The following DIP2C variants were observed in gnomAD, a reference collection of about 807,000 sequenced individuals.
The protein encoded by DIP2C is DIP2 acetate--CoA ligase C (putative), also known as disco-interacting protein 2 homolog C.
DIP2C carries 33 observed loss-of-function variants against 192.4 expected under a neutral mutation model. The ratio of observed to expected loss-of-function variants is 0.17; its 90% confidence interval spans 0.13 to 0.23. The LOEUF (loss-of-function observed/expected upper bound fraction) is 0.23. Among genes scored for constraint, DIP2C ranks in the 10% least tolerant of loss-of-function variants. The pLI is 1.00. For synonymous variants in DIP2C, 979 were observed against 864.1 expected, an observed-to-expected ratio of 1.13 and a Z score of -2.33; for missense variants, 1,537 against 2,110.1, an observed-to-expected ratio of 0.73 and a Z score of 5.32.
intron 1 of DIP2C, among the ~76,000 whole-genome samples, chr10:550,715 C>T (rs796560546): frequency 5.3e-5 from 8 of 152,298 alleles, no homozygotes; most frequent in African/African-American, 1.9e-4. Flanking sequence ...TCCCTAGCCC[C>T]TCTCCCCCTA....
At chr10:424,286 A>AT (rs34281389) in intron 4 of DIP2C, among the ~76,000 whole-genome samples, 64,006 of 149,776 alleles carry the variant, frequency 0.43, 14,041 homozygotes, top group East Asian at 0.5. Context: ...CTGTCTGGGA[A>AT]TTTTTTTAAA....
chr10:579,028 C>T (rs1850379515), intron 1 of DIP2C, among the ~76,000 whole-genome samples: 1 of 152,044 alleles, frequency 6.6e-6, no homozygotes, highest in Non-Finnish European at 1.5e-5. Flanking sequence ...AGCGTACATA[C>T]ATCCAGACCC....
At position 277,282 on chromosome 10, in the gene DIP2C, T is replaced by C; in HGVS notation, c.*43A>G. Reference sequence around the variant, plus strand: ...ACGCTTCAGTGGACACGGAGAACAATGTCTACATCTCTAGAAAAGTCCATG... The same window carrying C: ...ACGCTTCAGTGGACACGGAGAACAACGTCTACATCTCTAGAAAAGTCCATG... On this transcript the variant is annotated 3_prime_UTR_variant, in exon 37 of 37. Transcript: ENST00000280886. 1.9e-6 allele frequency: 3 copies of C among 1,604,148 alleles called. No homozygotes were observed. The highest frequency in any genetic ancestry group is 1.7e-6 in the Non-Finnish European group (2 of 1,176,014).
chr10:486,004 G>A (rs1843988729), intron 2 of DIP2C, among the ~76,000 whole-genome samples: 1 of 152,218 alleles, frequency 6.6e-6, no homozygotes, highest in South Asian at 2.1e-4. Flanking sequence ...CATCATGGAT[G>A]TTTGCAACCA....
At chr10:681,221 G>A (rs1169081011) in intron 1 of DIP2C, among the ~76,000 whole-genome samples, 1 of 150,864 alleles carries the variant, frequency 6.6e-6, no homozygotes, top group Non-Finnish European at 1.5e-5. Context: ...CACCATCTAT[G>A]GCCACGGATA....
chr10:275,489 TTTAAC>T lies in DIP2C; in HGVS notation c.*1831_*1835del, dbSNP rs1301089782. ...GTGCCACTTTTTTTTTTTTTTTTTT[TTTAAC>T]AACAATCAGCCTTGGATCTCAGAAG... On this transcript the variant is annotated 3_prime_UTR_variant, in exon 37 of 37. Coordinates refer to ENST00000280886, the MANE Select transcript of DIP2C (RefSeq NM_014974.3). 1.3e-5 allele frequency: 2 copies of T among 150,746 alleles called. No homozygotes were observed. Among genetic ancestry groups the T allele is most frequent in the African/African-American group, 4.9e-5 (2 of 40,646 alleles). The allele number at this position is 150,746 out of a possible 1,614,324, so 9.3% of individuals were successfully genotyped here.
intron 1 of DIP2C, among the ~76,000 whole-genome samples, chr10:639,388 G>A (rs1477281058): frequency 3.5e-5 from 5 of 144,186 alleles, no homozygotes; most frequent in East Asian, 2.1e-4. Context: ...ATGGGGATGT[G>A]TCAGGTCGGG....
chr10:343,777 G>A (rs1458269947), intron 28 of DIP2C, among the ~76,000 whole-genome samples: 1 of 152,192 alleles, frequency 6.6e-6, no homozygotes, highest in African/African-American at 2.4e-5. Flanking sequence ...ATTTCTAGGT[G>A]GAGAATTCAG....
intron 17 of DIP2C, among the ~76,000 whole-genome samples, chr10:375,892 G>A (rs1961519692): frequency 1.3e-5 from 2 of 152,050 alleles, no homozygotes; most frequent in South Asian, 4.2e-4. Context: ...ATCTTATACG[G>A]GCGATCTCCA....
chr10:670,456 A>C (rs116480746), intron 1 of DIP2C, among the ~76,000 whole-genome samples: 68 of 152,340 alleles, frequency 4.5e-4, no homozygotes, highest in Non-Finnish European at 8.8e-4. Flanking sequence ...AATAATCACA[A>C]AACAGGGTAG....
At chr10:481,292 CCGTATGTAACCAAAGTGCAAAA>C (rs1295352942) in intron 2 of DIP2C, among the ~76,000 whole-genome samples, 1 of 152,256 alleles carries the variant, frequency 6.6e-6, no homozygotes, top group African/African-American at 2.4e-5. Context: ...CTTTCTCATT[CCGTATGTAACCAAAGTGCAAAA>C]TTCACAAATG....
chr10:293,923 G>A (rs938566202), intron 32 of DIP2C, among the ~76,000 whole-genome samples: 1 of 152,220 alleles, frequency 6.6e-6, no homozygotes, highest in Non-Finnish European at 1.5e-5. Context: ...GATCAGGGAA[G>A]TCCAGAAACA....
chr10:582,629 G>A (rs1373974291), intron 1 of DIP2C, among the ~76,000 whole-genome samples: 3 of 152,154 alleles, frequency 2.0e-5, no homozygotes, highest in Admixed American at 1.3e-4. Flanking sequence ...GATGCGTTTA[G>A]GTGGAGGAAA....
chr10:632,471 G>A (rs541063617), intron 1 of DIP2C, among the ~76,000 whole-genome samples: 7 of 106,296 alleles, frequency 6.6e-5, no homozygotes, highest in Admixed American at 9.3e-5. Flanking sequence ...GGCCAGCACC[G>A]TAACTGGAGA....
chr10:679,687 CATAT>C (rs1367798087), intron 1 of DIP2C, among the ~76,000 whole-genome samples: 215 of 151,078 alleles, frequency 1.4e-3, no homozygotes, highest in Middle Eastern at 6.8e-3. Context: ...GCTCCCCACA[CATAT>C]CTGTGCTCCC....
At chr10:617,671 C>G (rs1367811399) in intron 1 of DIP2C, among the ~76,000 whole-genome samples, 5 of 149,896 alleles carry the variant, frequency 3.3e-5, no homozygotes, top group Non-Finnish European at 7.4e-5. Context: ...CCACCCCCAC[C>G]CCTGCTTGGG....
chr10:550,076 C>G (rs1238810387), intron 1 of DIP2C, among the ~76,000 whole-genome samples: 3 of 147,702 alleles, frequency 2.0e-5, no homozygotes, highest in Non-Finnish European at 4.5e-5. Context: ...GTATCACAAT[C>G]TCAGCTTGCT....
At chr10:456,317 A>T (rs1287415876) in intron 3 of DIP2C, among the ~76,000 whole-genome samples, 1 of 114,268 alleles carries the variant, frequency 8.8e-6, no homozygotes, top group Non-Finnish European at 1.7e-5. Context: ...AATGAGATGA[A>T]AACACTCTGC....
intron 1 of DIP2C, among the ~76,000 whole-genome samples, chr10:548,877 A>G (rs986358725): frequency 1.4e-5 from 2 of 146,514 alleles, no homozygotes; most frequent in African/African-American, 5.0e-5. Flanking sequence ...CCCAAACCAA[A>G]GAACAGTGCA....
Sources: gnomAD v4.1 joint callset for allele counts (sites outside exome capture counted in the v4.1 genomes callset) on GRCh38, gnomAD v4.1.1 for gene constraint, MANE v1.5 for transcripts, NCBI Gene and HGNC (gene_info 2026-07-23, HGNC 2026-07-21) for gene names.